The following DHX38 variants were observed in gnomAD, a reference collection of about 807,000 sequenced individuals.
DHX38 encodes the protein DEAH-box helicase 38, also known as pre-mRNA-splicing factor ATP-dependent RNA helicase PRP16.
In DHX38, 100 loss-of-function variants were observed where a neutral mutation model predicts 153.1. The observed-to-expected ratio is 0.65, with a 90% confidence interval of 0.56 to 0.77. DHX38 has a LOEUF of 0.77. DHX38 is among the 30% of genes least tolerant of loss of function. The probability of loss-of-function intolerance (pLI) is 0.00; values close to 1 mark genes in which losing one functional copy is unlikely to be tolerated. For missense variants in DHX38, 1,440 were observed against 1,654.0 expected (o/e 0.87, Z 2.24); for synonymous variants, 650 against 631.7 (o/e 1.03, Z -0.43).
chr16:72,100,432 A>C lies in DHX38; in HGVS notation c.1117-4A>C. 1.2e-6 allele frequency: 2 copies of C among 1,613,668 alleles called. No homozygotes were observed. The highest frequency in any genetic ancestry group is 1.7e-6 in the Non-Finnish European group (2 of 1,179,746). Reference sequence around the variant, plus strand: ...TGAGTGTGGCTCCCATTGTGTCCTCACAGGATAACGAGCGCTGGGAGACAA... The same window carrying C: ...TGAGTGTGGCTCCCATTGTGTCCTCCCAGGATAACGAGCGCTGGGAGACAA... On this transcript the variant is annotated splice_region_variant and splice_polypyrimidine_tract_variant and intron_variant, in intron 8 of 26. Coordinates refer to ENST00000268482, the MANE Select transcript of DHX38 (RefSeq NM_014003.4).
At position 72,108,313 on chromosome 16, in the gene DHX38, G is replaced by A. The variant is rs770720948; in HGVS notation, c.3051G>A (p.Gln1017=). Residue 1017 remains glutamine, a synonymous_variant, in exon 22 of 27, where the codon CAG becomes CAA. Coordinates refer to ENST00000268482, the MANE Select transcript of DHX38 (RefSeq NM_014003.4). ...TGACCTACCTGAATGTTTACCTGCA[G>A]TGGAAGAACAATAATTACTCCACCA... ...DHLTYLNVYL[Q]WKNNNYSTIW... is the part of the protein sequence containing the mutation. The A allele has an allele frequency of 1.8e-5, 29 of 1,614,160 alleles. No individual in the cohort carries two copies. Among genetic ancestry groups the A allele is most frequent in the Non-Finnish European group, 2.2e-5 (26 of 1,180,034 alleles).
rs561236125 is a variant in DHX38, at chr16:72,110,298, C to T, written c.3478-658C>T. Among the ~76,000 whole-genome samples, 194 of 152,240 alleles carry T rather than the reference C, an allele frequency of 1.3e-3. 2 individuals are homozygous for T. The highest frequency in any genetic ancestry group is 2.2e-3 in the Non-Finnish European group (147 of 68,050). Reference sequence around the variant, plus strand: ...GCTGTAAGCTGGCGATGAGTCCAACCGCTCAATTAGATCCCGGCTGAGCTG... The same window carrying T: ...GCTGTAAGCTGGCGATGAGTCCAACTGCTCAATTAGATCCCGGCTGAGCTG... On this transcript the variant is annotated intron_variant, in intron 25 of 26. Transcript: ENST00000268482.
At chr16:72,102,962 C>G in intron 11 of DHX38, 112 bp from the exon 12 acceptor site, 13 of 1,470,574 alleles carry the variant, frequency 8.8e-6, no homozygotes, top group Non-Finnish European at 1.2e-5. Flanking sequence ...TTTGGTGTCT[C>G]AGACTCTTGC....
rs140524371 is a variant in DHX38, at chr16:72,104,668, C to T, written c.2151+42C>T. 13,971 of 1,612,202 alleles carry T rather than the reference C, an allele frequency of 8.7e-3. 113 individuals are homozygous for T. Among genetic ancestry groups the T allele is most frequent in the Middle Eastern group, 0.032 (191 of 6,058 alleles). On this transcript the variant is annotated intron_variant, in intron 15 of 26. Transcript: ENST00000268482. The surrounding 1 kb of genome is among the most constrained non-coding windows in gnomAD (Gnocchi z 4.5). ...GTTACGAACTGACCCTTCCATGCCA[C>T]GCACTTCTCTGATGCGAAGCCGGCT...
Position 72,098,984 on chromosome 16 carries a change from T to C in DHX38, c.822T>C (p.Tyr274=). 2.5e-6 allele frequency: 4 copies of C among 1,613,794 alleles called. No homozygotes were observed. Among genetic ancestry groups the C allele is most frequent in the Admixed American group, 1.7e-5 (1 of 60,024 alleles). The change falls in exon 6 of 27, where the codon TAT becomes TAC. Residue 274 remains tyrosine (Y), a synonymous_variant. Coordinates refer to ENST00000268482, the MANE Select transcript of DHX38 (RefSeq NM_014003.4). ...CTCTGCCAACTCCCTCCTACAAATA[T>C]AACGAGTGGGCCGATGACAGAAGAC... is the stretch of plus-strand genomic sequence containing the variant. ...DTPLPTPSYK[Y]NEWADDRRHL...
chr16:72,097,896 A>G (rs540151474), intron 4 of DHX38, 115 bp downstream of exon 4: 9 of 1,007,766 alleles, frequency 8.9e-6, no homozygotes, highest in African/African-American at 6.4e-5. Context: ...CGATTCTACC[A>G]TGAACATCTT....
intron 9 of DHX38, 111 bp downstream of exon 9, chr16:72,100,708 A>G: frequency 6.9e-7 from 1 of 1,445,602 alleles, no homozygotes; most frequent in Non-Finnish European, 9.4e-7. Flanking sequence ...AGGAGGGTGG[A>G]TCATTGGATA....
At chr16:72,109,541 T>C (rs1344294790) in intron 25 of DHX38, 31 bp downstream of exon 25, 2 of 1,589,628 alleles carry the variant, frequency 1.3e-6, no homozygotes, top group Admixed American at 1.8e-5. Flanking sequence ...GCAGGGGTGC[T>C]GTTTGCCTGT....
rs566646478 is a variant in DHX38, at chr16:72,112,559, C to T, written c.*62C>T. On this transcript the variant is annotated 3_prime_UTR_variant, in exon 27 of 27. Coordinates refer to ENST00000268482, the MANE Select transcript of DHX38 (RefSeq NM_014003.4). ...TGGGTCCTCAGCCTTCTGGCGGGAG[C>T]CCTGAGGCTGCGGACAAAGCCCTTT... The T allele has an allele frequency of 5.1e-6, 8 of 1,566,404 alleles. No individual in the cohort carries two copies. Among genetic ancestry groups the T allele is most frequent in the Admixed American group, 3.3e-5 (2 of 59,770 alleles).
intron 3 of DHX38, 122 bp downstream of exon 3, chr16:72,097,131 G>T: frequency 3.5e-6 from 4 of 1,144,992 alleles, no homozygotes; most frequent in Non-Finnish European, 4.8e-6. Context: ...CATGATGTCC[G>T]CCTGAGTGGT....
Position 72,112,520 on chromosome 16 carries a change from A to T in DHX38, c.*23A>T, listed in dbSNP as rs923868802. ...TGAGCTGAGGCTGTCCCCAGAGAGG[A>T]TGGCAGCAGGTATTGGGTCCTCAGC... On this transcript the variant is annotated 3_prime_UTR_variant, in exon 27 of 27. Transcript: ENST00000268482. 1 of 1,610,752 alleles carries T rather than the reference A, an allele frequency of 6.2e-7. No homozygotes were observed. The highest frequency in any genetic ancestry group is 8.5e-7 in the Non-Finnish European group (1 of 1,179,808).
intron 17 of DHX38, 33 bp from the exon 18 acceptor site, chr16:72,105,484 C>A (rs932161619): frequency 1.2e-6 from 2 of 1,611,370 alleles, no homozygotes; most frequent in African/African-American, 2.7e-5. Context: ...TCTCGAGGGA[C>A]TCATTTTTCC....
intron 1 of DHX38, among the ~76,000 whole-genome samples, chr16:72,094,937 C>T (rs914390737): frequency 2.0e-5 from 3 of 152,256 alleles, no homozygotes; most frequent in African/African-American, 7.2e-5. Context: ...GATTTCCTCA[C>T]ATGCGCACAG....
Position 72,104,246 on chromosome 16 carries a change from T to A in DHX38, c.2010+115T>A. 3 of 1,341,846 alleles carry A rather than the reference T, an allele frequency of 2.2e-6. No homozygotes were observed. The South Asian group carries it at 4.2e-5, about 19-fold the overall frequency. 83.1% of individuals were successfully genotyped at this position (1,341,846 alleles called of 1,614,324 possible). Reference sequence around the variant, plus strand: ...GGGTCTCTGGTAGGCCAGAGGTTCCTGAGGCCTCTGGTTGCAGTTCAGACT... The same window carrying A: ...GGGTCTCTGGTAGGCCAGAGGTTCCAGAGGCCTCTGGTTGCAGTTCAGACT... On this transcript the variant is annotated intron_variant, in intron 14 of 26. Coordinates refer to ENST00000268482, the MANE Select transcript of DHX38 (RefSeq NM_014003.4). The surrounding 1 kb of genome is among the most constrained non-coding windows in gnomAD (Gnocchi z 4.5).
intron 13 of DHX38, 50 bp from the exon 14 acceptor site, chr16:72,103,896 T>A (rs2042135316): frequency 1.9e-6 from 3 of 1,608,682 alleles, no homozygotes; most frequent in South Asian, 2.2e-5. Flanking sequence ...CGGGGTGTGC[T>A]GGTGGTGAGC....
At position 72,104,703 on chromosome 16, in the gene DHX38, AGGGTGGGTAGGG is replaced by A; in HGVS notation, c.2151+79_2151+90del. ...TGATGCGAAGCCGGCTGGAGGGTGG[AGGGTGGGTAGGG>A]GACTGGGTTGGAGAAGATTTCCTGG... On this transcript the variant is annotated intron_variant, in intron 15 of 26. Transcript: ENST00000268482. This position sits in a 1 kb window ranked among gnomAD's most constrained non-coding sequence, Gnocchi z 4.5. 2 of 1,583,760 alleles carry A rather than the reference AGGGTGGGTAGGG, an allele frequency of 1.3e-6. No homozygotes were observed. Among genetic ancestry groups the A allele is most frequent in the Non-Finnish European group, 1.7e-6 (2 of 1,161,908 alleles).
At chr16:72,103,443 C>G (rs2042127616) in intron 12 of DHX38, among the ~76,000 whole-genome samples, 159 bp from the exon 13 acceptor site, 1 of 152,246 alleles carries the variant, frequency 6.6e-6, no homozygotes, top group Non-Finnish European at 1.5e-5. Context: ...CAGGTGTTAT[C>G]TCAGTAAGAG....
In DHX38 at chr16:72,097,025, C is replaced by T. The variant is rs749498330; in HGVS notation, c.511+16C>T. ...AGGGACAGAGGTAAACTGTCCAGCACAGTTCCTATTGTCCATTAGCATTCG... is the reference window on the plus strand; with the variant it reads ...AGGGACAGAGGTAAACTGTCCAGCATAGTTCCTATTGTCCATTAGCATTCG... On this transcript the variant is annotated intron_variant, in intron 3 of 26. Coordinates refer to ENST00000268482, the MANE Select transcript of DHX38 (RefSeq NM_014003.4). The T allele has an allele frequency of 6.2e-7, 1 of 1,603,082 alleles. No homozygotes were observed. The highest frequency in any genetic ancestry group is 8.5e-7 in the Non-Finnish European group (1 of 1,173,094).
At position 72,096,868 on chromosome 16, in the gene DHX38, G is replaced by GT; in HGVS notation, c.371dup (p.Ser125GlufsTer41). Reference sequence around the variant, plus strand: ...AGAGACTCCATCCCATCCGGGTGGTGTGAGCGAAGAGTTTTGGGAACGCAG... The same window carrying GT: ...AGAGACTCCATCCCATCCGGGTGGTGTTGAGCGAAGAGTTTTGGGAACGCAG... On this transcript the variant is annotated frameshift_variant, in exon 3 of 27. Transcript: ENST00000268482. LOFTEE classifies it high-confidence loss of function. 6.2e-7 allele frequency: 1 copy of GT among 1,613,996 alleles called. No individual in the cohort carries two copies. Among genetic ancestry groups the GT allele is most frequent in the Non-Finnish European group, 8.5e-7 (1 of 1,179,926 alleles).
Sources: gnomAD v4.1 joint callset for allele counts (sites outside exome capture counted in the v4.1 genomes callset) on GRCh38, gnomAD v4.1.1 for gene constraint, Gnocchi (gnomAD v3.1) non-coding constraint, MANE v1.5 for transcripts, NCBI Gene and HGNC (gene_info 2026-07-23, HGNC 2026-07-21) for gene names.